Variants in ZNF131 observed in about 807,000 individuals in gnomAD.
ZNF131 encodes the protein zinc finger and BTB domain containing 35, also known as zinc finger protein 131.
A neutral mutation model predicts 60.0 loss-of-function variants in ZNF131; 7 were observed. That is an observed-to-expected ratio of 0.12 (90% CI 0.07 to 0.22). The LOEUF is 0.22. Among genes scored for constraint, ZNF131 ranks in the 10% least tolerant of loss-of-function variants. The pLI, the probability that ZNF131 is intolerant of heterozygous loss-of-function variation, is 1.00. For synonymous variants in ZNF131, 257 were observed against 253.2 expected, an observed-to-expected ratio of 1.01 and a Z score of -0.14; for missense variants, 493 against 740.9, an observed-to-expected ratio of 0.67 and a Z score of 3.88.
At chr5:43,130,630 T>A (rs1247918311) in intron 3 of ZNF131, among the ~76,000 whole-genome samples, 1 of 152,082 alleles carries the variant, frequency 6.6e-6, no homozygotes, top group Admixed American at 6.6e-5. Flanking sequence ...AATGGTGTGA[T>A]CTCGGCTCAC....
chr5:43,154,221 G>T (rs1364013487), intron 4 of ZNF131, among the ~76,000 whole-genome samples: 1 of 152,116 alleles, frequency 6.6e-6, no homozygotes, highest in African/African-American at 2.4e-5. Context: ...AGACCAGTCT[G>T]ACCAACGTGG....
rs563286656 is a variant in ZNF131, at chr5:43,157,485, A to G, written c.372-3764A>G. On this transcript the variant is annotated intron_variant, in intron 4 of 6. Transcript: ENST00000682664. ...AGTATGGTTGTTAACCATGGGGCAGACATGGTACCAGATTGATAAAAGAGT... is the reference window on the plus strand; with the variant it reads ...AGTATGGTTGTTAACCATGGGGCAGGCATGGTACCAGATTGATAAAAGAGT... Among the ~76,000 whole-genome samples, 8 of 152,244 alleles carry G rather than the reference A, an allele frequency of 5.3e-5. No individual in the cohort carries two copies. The East Asian group carries it at 1.3e-3, about 26-fold the overall frequency.
At chr5:43,128,490 C>G (rs1014595716) in intron 3 of ZNF131, among the ~76,000 whole-genome samples, 1 of 151,652 alleles carries the variant, frequency 6.6e-6, no homozygotes, top group African/African-American at 2.4e-5. Flanking sequence ...CCCGTCTCTA[C>G]TAAAAATACA....
chr5:43,174,810 C>A lies in ZNF131; in HGVS notation c.1549C>A (p.Pro517Thr). ...GCACGATTCACACATGAGTGAGCTT[C>A]CAGAGCAGGTCCAAGTGAGTTATCT... ...QVHDSHMSEL[P>T]EQVQVSYLEV... is the part of the protein sequence containing the mutation. Residue 517 changes from proline to threonine, a missense_variant, in exon 7 of 7, where the codon CCA (proline) becomes ACA (threonine). Physicochemically the swap from Pro to Thr is conservative, Grantham distance 38. Coordinates refer to ENST00000682664, the MANE Select transcript of ZNF131 (RefSeq NM_001330707.2). 1 of 1,614,158 alleles carries A rather than the reference C, an allele frequency of 6.2e-7. No homozygotes were observed. The highest frequency in any genetic ancestry group is 8.5e-7 in the Non-Finnish European group (1 of 1,180,038).
chr5:43,174,588 C>T lies in ZNF131; in HGVS notation c.1327C>T (p.His443Tyr). The change falls in exon 7 of 7, where the codon CAC becomes TAC. Residue 443 changes from histidine to tyrosine, a missense_variant. Physicochemically the swap from His to Tyr is moderately conservative, Grantham distance 83 (BLOSUM62 2). Around this residue, in one of 7 missense-constraint regions of ZNF131, gnomAD observed 202 missense variants for 221.3 expected, o/e 0.91. Coordinates refer to ENST00000682664, the MANE Select transcript of ZNF131 (RefSeq NM_001330707.2). ...NELRRHLSDA[H>Y]NISERLVTEE... The stretch of plus-strand genomic sequence containing the variant: ...ATTAAGGAGGCATCTCAGTGATGCT[C>T]ACAATATTTCAGAGCGTCTAGTAAC... 6.2e-7 allele frequency: 1 copy of T among 1,612,924 alleles called. No homozygotes were observed. Among genetic ancestry groups the T allele is most frequent in the Non-Finnish European group, 8.5e-7 (1 of 1,179,406 alleles).
In ZNF131 at chr5:43,174,937, T is replaced by C. The variant is rs750495838; in HGVS notation, c.1676T>C (p.Leu559Pro). 3 of 1,614,098 alleles carry C rather than the reference T, an allele frequency of 1.9e-6. No homozygotes were observed. Among genetic ancestry groups the C allele is most frequent in the Non-Finnish European group, 2.5e-6 (3 of 1,180,020 alleles). The change falls in exon 7 of 7, where the codon CTT (leucine) becomes CCT (proline). Residue 559 changes from leucine (L) to proline (P), a missense_variant. Leu to Pro is a moderately conservative substitution (Grantham distance 98). Coordinates refer to ENST00000682664, the MANE Select transcript of ZNF131 (RefSeq NM_001330707.2). ...ATGCCAGTGGAAGTACAAACTGAAC[T>C]TCTAGAAGCAGATTTGGACCACGTG... ...NQMPVEVQTE[L>P]LEADLDHVTP...
At chr5:43,151,026 G>A in intron 4 of ZNF131, among the ~76,000 whole-genome samples, 1 of 152,064 alleles carries the variant, frequency 6.6e-6, no homozygotes, top group East Asian at 1.9e-4. Context: ...TTAGCCCTGG[G>A]CATTAGTCTA....
In ZNF131 at chr5:43,150,441, A is replaced by C. The variant is rs1366765200; in HGVS notation, c.372-10808A>C. On this transcript the variant is annotated intron_variant, in intron 4 of 6. Coordinates refer to ENST00000682664, the MANE Select transcript of ZNF131 (RefSeq NM_001330707.2). Reference sequence around the variant, plus strand: ...TTCTGTATTATCCTGGCTGGTACTGAATTTTCCCCATAAGTACAGCACTTC... The same window carrying C: ...TTCTGTATTATCCTGGCTGGTACTGCATTTTCCCCATAAGTACAGCACTTC... Among the ~76,000 whole-genome samples the C allele has an allele frequency of 2.0e-5, 3 of 152,154 alleles. No homozygotes were observed. The East Asian group carries it at 5.8e-4, about 29-fold the overall frequency.
chr5:43,123,159 T>G (rs974853516), intron 2 of ZNF131, 50 bp from the exon 3 acceptor site: 3 of 1,458,156 alleles, frequency 2.1e-6, no homozygotes, highest in East Asian at 2.3e-5. Flanking sequence ...GTTATACATT[T>G]GATTTTCGTG....
intron 4 of ZNF131, among the ~76,000 whole-genome samples, chr5:43,141,816 T>G (rs1275199757): frequency 6.6e-6 from 1 of 151,922 alleles, no homozygotes; most frequent in Non-Finnish European, 1.5e-5. Context: ...CAATCATTGC[T>G]TTTCAGTATA....
intron 3 of ZNF131, among the ~76,000 whole-genome samples, chr5:43,129,080 C>T (rs886557918): frequency 6.6e-6 from 1 of 152,162 alleles, no homozygotes; most frequent in East Asian, 1.9e-4. Context: ...ATTAAGGCTC[C>T]CACCACCATG....
intron 3 of ZNF131, among the ~76,000 whole-genome samples, chr5:43,138,025 A>G (rs1408222813): frequency 6.6e-6 from 1 of 152,134 alleles, no homozygotes; most frequent in Non-Finnish European, 1.5e-5. Context: ...AGTCACTTCC[A>G]CTCATATGAG....
intron 3 of ZNF131, among the ~76,000 whole-genome samples, chr5:43,132,031 T>A (rs1026065995): frequency 1.1e-4 from 17 of 152,210 alleles, no homozygotes; most frequent in African/African-American, 4.1e-4. Context: ...AGTTAATGCT[T>A]GTAAAGTATT....
In ZNF131 at chr5:43,161,404, C is replaced by T. The variant is rs767399006; in HGVS notation, c.527C>T (p.Thr176Ile). The T allele has an allele frequency of 9.3e-6, 15 of 1,614,218 alleles. No homozygotes were observed. In the South Asian group the frequency reaches 1.1e-4, roughly 12 times the overall value. ...VEIEVEIAEGTIEVEDEGIET... is the reference protein window; with the variant it reads ...VEIEVEIAEGIIEVEDEGIET... ...ATTGAGGTAGAGATTGCCGAAGGCA[C>T]CATTGAAGTGGAAGATGAAGGCATC... Residue 176 changes from threonine (T) to isoleucine (I), a missense_variant, in exon 5 of 7, where the codon ACC becomes ATC. By Grantham distance (89) the Thr-to-Ile change is moderately conservative (BLOSUM62 -1). Coordinates refer to ENST00000682664, the MANE Select transcript of ZNF131 (RefSeq NM_001330707.2).
At chr5:43,173,192 A>G (rs1203081143) in intron 5 of ZNF131, 126 bp from the exon 6 acceptor site, 19 of 1,018,232 alleles carry the variant, frequency 1.9e-5, no homozygotes, top group Admixed American at 6.1e-5. Flanking sequence ...TTGAATTCTG[A>G]ATTGTGATTT....
At chr5:43,143,899 T>C (rs1023540385) in intron 4 of ZNF131, among the ~76,000 whole-genome samples, 6 of 23,866 alleles carry the variant, frequency 2.5e-4, no homozygotes, top group South Asian at 4.7e-3. Context: ...TTGTCAGAGC[T>C]TTTTTTTTTT....
chr5:43,175,719 T>TTAAAAA lies in ZNF131; in HGVS notation c.*586_*587insTAAAAA, dbSNP rs770240391. 2.4e-4 allele frequency: 54 copies of TTAAAAA among 226,044 alleles called. No individual in the cohort carries two copies. Among genetic ancestry groups the TTAAAAA allele is most frequent in the South Asian group, 4.6e-4 (6 of 12,942 alleles). 14.0% of individuals were successfully genotyped at this position (226,044 alleles called of 1,614,324 possible). On this transcript the variant is annotated 3_prime_UTR_variant, in exon 7 of 7. Coordinates refer to ENST00000682664, the MANE Select transcript of ZNF131 (RefSeq NM_001330707.2). ...GGTGGTGGCAAAATTTCTAGAATGTTAAAAAAAAAAAAAAATCCACACCCA... is the reference window on the plus strand; with the variant it reads ...GGTGGTGGCAAAATTTCTAGAATGTTTAAAAAAAAAAAAAAAAAAAATCCACACCCA...
At chr5:43,167,033 C>A (rs1465721545) in intron 5 of ZNF131, among the ~76,000 whole-genome samples, 1 of 152,072 alleles carries the variant, frequency 6.6e-6, no homozygotes, top group African/African-American at 2.4e-5. Flanking sequence ...ATATTGTTGC[C>A]TCTCAAGGAA....
intron 3 of ZNF131, among the ~76,000 whole-genome samples, chr5:43,135,161 G>A (rs1745911373): frequency 6.6e-6 from 1 of 151,008 alleles, no homozygotes; most frequent in South Asian, 2.1e-4. Flanking sequence ...ACCACGCCTG[G>A]CTAATTTTGT....
Sources: allele counts gnomAD v4.1 joint callset (sites outside exome capture counted in the v4.1 genomes callset), GRCh38; gene constraint gnomAD v4.1.1; regional missense constraint gnomAD v4.1.1; transcripts MANE v1.5; gene names NCBI Gene and HGNC (gene_info 2026-07-23, HGNC 2026-07-21).